KIF20B: variants seen among roughly 807,000 people sequenced by gnomAD.
KIF20B encodes the protein kinesin-like protein KIF20B.
In KIF20B, 188 loss-of-function variants were observed where a neutral mutation model predicts 232.5. The observed-to-expected ratio is 0.81, with a 90% CI of 0.72 to 0.91. The LOEUF (loss-of-function observed/expected upper bound fraction) is 0.91, where lower values mean the gene tolerates loss of function less well. Among genes scored for constraint, KIF20B ranks in the 40% least tolerant of loss-of-function variants. The probability of loss-of-function intolerance (pLI) is 0.00; values close to 1 mark genes in which losing one functional copy is unlikely to be tolerated. For synonymous variants in KIF20B, 712 were observed against 683.0 expected, an observed-to-expected ratio of 1.04 and a Z score of -0.66; for missense variants, 2,154 against 2,055.9, an observed-to-expected ratio of 1.05 and a Z score of -0.92.
Position 89,738,462 on chromosome 10 carries a change from T to A in KIF20B, c.3621T>A (p.His1207Gln). 1 of 1,602,786 alleles carries A rather than the reference T, an allele frequency of 6.2e-7. No individual in the cohort carries two copies. Among genetic ancestry groups the A allele is most frequent in the Non-Finnish European group, 8.5e-7 (1 of 1,176,512 alleles). The change falls in exon 20 of 33, where the codon CAT becomes CAA. Residue 1207 changes from histidine (H) to glutamine (Q), a missense_variant. Transcript: ENST00000371728. ...GAAATTTGAAGGAATTTCAAGAACA[T>A]CTTCAGGATTCTGTCAAAAACACCA... ...LERNLKEFQEHLQDSVKNTKD... is the reference protein window; with the variant it reads ...LERNLKEFQEQLQDSVKNTKD...
intron 17 of KIF20B, among the ~76,000 whole-genome samples, chr10:89,728,143 A>G (rs924995531): frequency 2.0e-5 from 3 of 152,182 alleles, no homozygotes; most frequent in Non-Finnish European, 4.4e-5. Flanking sequence ...AAATAATTCA[A>G]GATCTTGGTA....
chr10:89,751,146 A>AAT (rs1279556868), intron 23 of KIF20B, among the ~76,000 whole-genome samples, 200 bp from the exon 24 acceptor site: 10 of 152,134 alleles, frequency 6.6e-5, no homozygotes, highest in Admixed American at 6.6e-4. Context: ...CTTTACACCA[A>AAT]ATATATATTT....
At chr10:89,715,590 A>G (rs1842919835) in intron 8 of KIF20B, among the ~76,000 whole-genome samples, 1 of 152,208 alleles carries the variant, frequency 6.6e-6, no homozygotes, top group South Asian at 2.1e-4. Flanking sequence ...CAGTACCTAC[A>G]TGCATGTATA....
chr10:89,769,011 A>G (rs1427478597), intron 31 of KIF20B, 123 bp downstream of exon 31: 2 of 743,286 alleles, frequency 2.7e-6, no homozygotes, highest in Admixed American at 3.2e-5. Flanking sequence ...GCATTGTCCT[A>G]TACTAGGTAC....
At chr10:89,757,069 T>TATATATATATAC (rs138088478) in intron 26 of KIF20B, among the ~76,000 whole-genome samples, 48 of 134,346 alleles carry the variant, frequency 3.6e-4, no homozygotes, top group Admixed American at 1.2e-3. Flanking sequence ...TATATATATA[T>TATATATATATAC]ACACACATGA....
At chr10:89,721,972 T>C (rs553690384) in intron 13 of KIF20B, among the ~76,000 whole-genome samples, 1 of 152,230 alleles carries the variant, frequency 6.6e-6, no homozygotes, top group East Asian at 1.9e-4. Flanking sequence ...AGTGCAATAG[T>C]GTAGTTATGG....
intron 7 of KIF20B, 124 bp from the exon 8 acceptor site, chr10:89,714,831 C>T: frequency 1.6e-6 from 1 of 634,854 alleles, no homozygotes; most frequent in Non-Finnish European, 2.7e-6. Flanking sequence ...AAGTTTTTAA[C>T]ATAGATGGTC....
intron 27 of KIF20B, among the ~76,000 whole-genome samples, chr10:89,760,268 A>G (rs1283846573): frequency 6.6e-6 from 1 of 152,164 alleles, no homozygotes; most frequent in Non-Finnish European, 1.5e-5. Context: ...TGTGGGCAGA[A>G]CACTTGGAAG....
chr10:89,718,023 A>G (rs1842970139), intron 11 of KIF20B, among the ~76,000 whole-genome samples: 1 of 152,170 alleles, frequency 6.6e-6, no homozygotes, highest in African/African-American at 2.4e-5. Context: ...TATTCTTATT[A>G]ATGCATTGTG....
chr10:89,719,581 G>A lies in KIF20B; in HGVS notation c.1597G>A (p.Glu533Lys), dbSNP rs775616820. 2 of 1,613,576 alleles carry A rather than the reference G, an allele frequency of 1.2e-6. No homozygotes were observed. Among genetic ancestry groups the A allele is most frequent in the East Asian group, 2.2e-5 (1 of 44,776 alleles). ...ENSLEDLMED[E>K]DLVEELENAE... ...TAGTCTAGAAGATTTGATGGAAGAC[G>A]AGGATTTGGTTGAGGAGCTAGAAAA... Residue 533 changes from glutamate to lysine, a missense_variant, in exon 13 of 33, where the codon GAG (glutamate) becomes AAG (lysine). Transcript: ENST00000371728.
At chr10:89,749,471 A>G (rs973540742) in intron 23 of KIF20B, among the ~76,000 whole-genome samples, 7 of 152,156 alleles carry the variant, frequency 4.6e-5, no homozygotes, top group Non-Finnish European at 5.9e-5. Context: ...CATCACCACT[A>G]TCTAATTACT....
intron 6 of KIF20B, among the ~76,000 whole-genome samples, chr10:89,711,454 T>A (rs536197379): frequency 6.6e-6 from 1 of 152,262 alleles, no homozygotes; most frequent in East Asian, 1.9e-4. Flanking sequence ...GAAAGTAATA[T>A]GTACCCAAAA....
chr10:89,710,206 C>G, intron 5 of KIF20B, 141 bp downstream of exon 5: 3 of 564,594 alleles, frequency 5.3e-6, no homozygotes, highest in Non-Finnish European at 8.2e-6. Context: ...CATATTATTA[C>G]GTATTGCTGT....
At chr10:89,713,537 A>G (rs866589850) in intron 6 of KIF20B, among the ~76,000 whole-genome samples, 22 of 152,174 alleles carry the variant, frequency 1.4e-4, no homozygotes, top group Admixed American at 2.6e-4. Flanking sequence ...AATATTTTAT[A>G]TCTTTTCATC....
At chr10:89,772,986 A>G (rs1242510456) in intron 32 of KIF20B, among the ~76,000 whole-genome samples, 155 bp downstream of exon 32, 2 of 152,122 alleles carry the variant, frequency 1.3e-5, no homozygotes, top group African/African-American at 4.8e-5. Flanking sequence ...TACTAATTAA[A>G]TATAAATACT....
chr10:89,704,187 A>T (rs899259645), intron 1 of KIF20B, among the ~76,000 whole-genome samples: 6 of 152,160 alleles, frequency 3.9e-5, no homozygotes, highest in Admixed American at 3.9e-4. Flanking sequence ...CATTTTATAT[A>T]ATACCTGTGG....
intron 29 of KIF20B, among the ~76,000 whole-genome samples, chr10:89,763,696 G>A (rs564692174): frequency 1.1e-4 from 16 of 152,024 alleles, no homozygotes; most frequent in Non-Finnish European, 2.1e-4. Context: ...CCATGTCCTA[G>A]ATGTGGAGAT....
intron 28 of KIF20B, among the ~76,000 whole-genome samples, chr10:89,762,008 AT>A (rs1423550547): frequency 6.6e-6 from 1 of 152,142 alleles, no homozygotes; most frequent in Non-Finnish European, 1.5e-5. Context: ...CTGGTAGTTG[AT>A]TCTGGGAATT....
chr10:89,764,752 T>C (rs1167203698), intron 29 of KIF20B, among the ~76,000 whole-genome samples: 1 of 151,470 alleles, frequency 6.6e-6, no homozygotes. Flanking sequence ...TGTTTGTTTT[T>C]TTCTTGTAAA....
Sources: allele counts gnomAD v4.1 joint callset (sites outside exome capture counted in the v4.1 genomes callset), GRCh38; gene constraint gnomAD v4.1.1; transcripts MANE v1.5; gene names NCBI Gene and HGNC (gene_info 2026-07-23, HGNC 2026-07-21).